ARHGAP24: variants seen among roughly 807,000 people sequenced by gnomAD.
ARHGAP24 encodes rho GTPase-activating protein 24.
A neutral mutation model predicts 76.4 loss-of-function variants in ARHGAP24; 50 were observed. The observed-to-expected ratio is 0.65, with a 90% CI of 0.52 to 0.83. The LOEUF is 0.83. Ranked by LOEUF, ARHGAP24 falls within the 40% of genes least tolerant of loss-of-function variation. The pLI is 0.00. For missense variants in ARHGAP24, 930 were observed against 914.2 expected, an observed-to-expected ratio of 1.02 and a Z score of -0.22; for synonymous variants, 345 against 323.3, an observed-to-expected ratio of 1.07 and a Z score of -0.72.
intron 8 of ARHGAP24, among the ~76,000 whole-genome samples, chr4:85,982,036 G>A (rs1739698754): frequency 6.6e-6 from 1 of 151,776 alleles, no homozygotes; most frequent in Admixed American, 6.6e-5. Context: ...CGACCAACAT[G>A]TATTTGGGGC....
At chr4:85,796,592 C>T (rs992622697) in intron 3 of ARHGAP24, among the ~76,000 whole-genome samples, 8 of 152,114 alleles carry the variant, frequency 5.3e-5, no homozygotes, top group Non-Finnish European at 1.2e-4. Flanking sequence ...GTAATTTGAA[C>T]AGGGACAGTT....
chr4:85,935,381 A>G (rs2148820198), intron 4 of ARHGAP24, among the ~76,000 whole-genome samples: 1 of 152,326 alleles, frequency 6.6e-6, no homozygotes, highest in South Asian at 2.1e-4. Context: ...ATTAAGTTGT[A>G]GGTGCCCCTG....
At chr4:85,865,306 A>G (rs761698428) in intron 3 of ARHGAP24, among the ~76,000 whole-genome samples, 1 of 151,864 alleles carries the variant, frequency 6.6e-6, no homozygotes, top group Non-Finnish European at 1.5e-5. Flanking sequence ...GTTGGCAGGT[A>G]AGGTAAAATC....
In ARHGAP24 at chr4:85,942,258, A is replaced by C; in HGVS notation, c.584A>C (p.Lys195Thr). The C allele has an allele frequency of 6.2e-7, 1 of 1,614,080 alleles. No homozygotes were observed. Among genetic ancestry groups the C allele is most frequent in the Non-Finnish European group, 8.5e-7 (1 of 1,180,008 alleles). Residue 195 changes from lysine to threonine, a missense_variant, in exon 5 of 10, where the codon AAG becomes ACG. Coordinates refer to ENST00000395184, the MANE Select transcript of ARHGAP24 (RefSeq NM_001025616.3). ...CAAGATGCCTTTGACTGTGGGGAGA[A>C]GCCATCATTTGACAGGTAGATGTCA... is the stretch of plus-strand genomic sequence containing the variant. ...ELQDAFDCGE[K>T]PSFDSNTDVH...
intron 2 of ARHGAP24, among the ~76,000 whole-genome samples, chr4:85,679,042 G>A (rs906180811): frequency 6.6e-6 from 1 of 152,142 alleles, no homozygotes; most frequent in Admixed American, 6.5e-5. Flanking sequence ...CTCAAAGAAA[G>A]GCAAGATGGT....
chr4:85,750,703 C>T (rs887031730), intron 3 of ARHGAP24, among the ~76,000 whole-genome samples: 10 of 151,848 alleles, frequency 6.6e-5, no homozygotes, highest in South Asian at 4.2e-4. Flanking sequence ...ACCATGTTGC[C>T]CAGGCTGGTC....
chr4:85,887,011 C>T (rs911231018), intron 3 of ARHGAP24, among the ~76,000 whole-genome samples: 7 of 151,984 alleles, frequency 4.6e-5, no homozygotes, highest in Non-Finnish European at 8.8e-5. Flanking sequence ...GCTTTGGTAC[C>T]ATTTTTAAGA....
At chr4:85,924,905 G>T (rs1735932302) in intron 4 of ARHGAP24, among the ~76,000 whole-genome samples, 1 of 152,162 alleles carries the variant, frequency 6.6e-6, no homozygotes, top group Non-Finnish European at 1.5e-5. Context: ...AGTAAGAGAG[G>T]TTTACAACTT....
chr4:85,735,235 C>T (rs1418589913), intron 3 of ARHGAP24, among the ~76,000 whole-genome samples: 1 of 152,072 alleles, frequency 6.6e-6, no homozygotes, highest in Admixed American at 6.5e-5. Flanking sequence ...TATGAACATA[C>T]GATCATGCTA....
At chr4:85,548,622 G>C (rs1227542476) in intron 1 of ARHGAP24, among the ~76,000 whole-genome samples, 1 of 152,186 alleles carries the variant, frequency 6.6e-6, no homozygotes, top group Admixed American at 6.5e-5. Flanking sequence ...ACCACAGCCA[G>C]AAAAGCAAAT....
intron 3 of ARHGAP24, among the ~76,000 whole-genome samples, chr4:85,746,248 G>A (rs1452129321): frequency 6.6e-6 from 1 of 152,128 alleles, no homozygotes; most frequent in Non-Finnish European, 1.5e-5. Context: ...GGCAGGGCTG[G>A]GAATCTGCTT....
chr4:85,592,727 A>G (rs888964347), intron 2 of ARHGAP24, among the ~76,000 whole-genome samples: 3 of 152,302 alleles, frequency 2.0e-5, no homozygotes, highest in Admixed American at 2.0e-4. Context: ...TATAAGAGAG[A>G]ATATGCAAGA....
At chr4:85,575,481 T>C (rs1252382569) in intron 2 of ARHGAP24, among the ~76,000 whole-genome samples, 1 of 152,172 alleles carries the variant, frequency 6.6e-6, no homozygotes, top group African/African-American at 2.4e-5. Flanking sequence ...GAAGAATCTA[T>C]AAAAAAGAAT....
intron 2 of ARHGAP24, among the ~76,000 whole-genome samples, chr4:85,655,792 T>TATAGAGAG (rs1553920518): frequency 5.0e-3 from 189 of 37,644 alleles, no homozygotes; most frequent in South Asian, 0.018. Context: ...TATATATATA[T>TATAGAGAG]AGAGAGAGAG....
At position 85,587,120 on chromosome 4, in the gene ARHGAP24, A is replaced by G. The variant is rs538185620; in HGVS notation, c.180+16399A>G. ...TTAAAAAGTACTCATAGAAACTTCTATAAGTATCTATGTTACTTTTATGTA... is the reference window on the plus strand; with the variant it reads ...TTAAAAAGTACTCATAGAAACTTCTGTAAGTATCTATGTTACTTTTATGTA... On this transcript the variant is annotated intron_variant, in intron 2 of 9. Transcript: ENST00000395184. 8.9e-4 allele frequency among the ~76,000 whole-genome samples: 136 copies of G among 152,324 alleles called. 2 individuals carry two copies. The highest frequency in any genetic ancestry group is 6.8e-3 in the Middle Eastern group (2 of 294).
chr4:85,835,767 C>A (rs1297197898), intron 3 of ARHGAP24, among the ~76,000 whole-genome samples: 1 of 151,834 alleles, frequency 6.6e-6, no homozygotes, highest in Non-Finnish European at 1.5e-5. Context: ...CTCACTGCAA[C>A]CTCCGCCTCC....
intron 3 of ARHGAP24, among the ~76,000 whole-genome samples, chr4:85,890,047 G>A (rs1337272470): frequency 5.3e-5 from 8 of 151,900 alleles, no homozygotes; most frequent in Admixed American, 3.9e-4. Context: ...CCATCATGCT[G>A]TCAGGGTTGT....
intron 3 of ARHGAP24, among the ~76,000 whole-genome samples, chr4:85,735,860 TA>T (rs1270507231): frequency 1.3e-5 from 2 of 152,230 alleles, no homozygotes; most frequent in Non-Finnish European, 2.9e-5. Flanking sequence ...TATACAGTGA[TA>T]TTTTTTATAT....
At chr4:85,859,212 TACACACAC>T (rs10645010) in intron 3 of ARHGAP24, among the ~76,000 whole-genome samples, 17 of 145,454 alleles carry the variant, frequency 1.2e-4, no homozygotes, top group South Asian at 4.4e-4. Context: ...GCCACATGCA[TACACACAC>T]ACACACACAC....
Sources: gnomAD v4.1 joint callset for allele counts (sites outside exome capture counted in the v4.1 genomes callset) on GRCh38, gnomAD v4.1.1 for gene constraint, MANE v1.5 for transcripts, NCBI Gene and HGNC (gene_info 2026-07-23, HGNC 2026-07-21) for gene names.